Variants in ARID5B observed in about 807,000 individuals in gnomAD.
ARID5B encodes AT-rich interaction domain 5B, also known as AT-rich interactive domain-containing protein 5B.
A neutral mutation model predicts 97.2 loss-of-function variants in ARID5B; 13 were observed. The observed-to-expected ratio is 0.13, with a 90% CI of 0.09 to 0.21. The LOEUF (loss-of-function observed/expected upper bound fraction) is 0.21, where lower values mean the gene tolerates loss of function less well. ARID5B is among the 10% of genes least tolerant of loss of function. ARID5B has a pLI of 1.00. For synonymous variants in ARID5B, 556 were observed against 570.3 expected (o/e 0.97, Z 0.36); for missense variants, 1,210 against 1,465.3 (o/e 0.83, Z 2.84).
chr10:61,932,031 G>A (rs1844218898), intron 2 of ARID5B, among the ~76,000 whole-genome samples: 1 of 152,056 alleles, frequency 6.6e-6, no homozygotes, highest in African/African-American at 2.4e-5. Context: ...GAAAATATGG[G>A]TTCACACAAA....
At chr10:61,927,822 A>G (rs1184630860) in intron 2 of ARID5B, among the ~76,000 whole-genome samples, 1 of 152,230 alleles carries the variant, frequency 6.6e-6, no homozygotes. Context: ...AGGATATTAT[A>G]ATACCGCATG....
In ARID5B at chr10:62,000,733, AATAG is replaced by A. The variant is rs1389312519; in HGVS notation, c.733+416_733+419del. 6.6e-6 allele frequency among the ~76,000 whole-genome samples: 1 copy of A among 152,158 alleles called. No homozygotes were observed. The highest frequency in any genetic ancestry group is 1.5e-5 in the Non-Finnish European group (1 of 68,022). On this transcript the variant is annotated intron_variant, in intron 4 of 9. Transcript: ENST00000279873. The surrounding 1 kb of genome is among the most constrained non-coding windows in gnomAD (Gnocchi z 4.4). ...GTAACCACTTCAGTAGTAAACAGTG[AATAG>A]ATAAATAGATAGAAAGAAAACAACT...
chr10:61,922,575 C>T (rs1844036083), intron 2 of ARID5B, among the ~76,000 whole-genome samples: 1 of 152,216 alleles, frequency 6.6e-6, no homozygotes, highest in African/African-American at 2.4e-5. Context: ...TGCACTCCAG[C>T]CTGGGTGACA....
In ARID5B at chr10:62,091,750, T is replaced by G; in HGVS notation, c.2287T>G (p.Ser763Ala). ...QHVQSFRSKP[S>A]EERKTINDIF... is the part of the protein sequence containing the mutation. ...CGTCCAGAGTTTCAGAAGCAAGCCC[T>G]CGGAAGAGAGAAAGACCATCAATGA... Residue 763 changes from serine (S) to alanine (A), a missense_variant, in exon 10 of 10, where the codon TCG (serine) becomes GCG (alanine). By Grantham distance (99) the Ser-to-Ala change is moderately conservative. Coordinates refer to ENST00000279873, the MANE Select transcript of ARID5B (RefSeq NM_032199.3). The G allele has an allele frequency of 6.2e-7, 1 of 1,614,084 alleles. No homozygotes were observed. The highest frequency in any genetic ancestry group is 8.5e-7 in the Non-Finnish European group (1 of 1,180,030).
At chr10:61,958,791 A>G (rs1448802976) in intron 3 of ARID5B, among the ~76,000 whole-genome samples, 1 of 152,232 alleles carries the variant, frequency 6.6e-6, no homozygotes, top group African/African-American at 2.4e-5. Context: ...ATAAGTGCAT[A>G]GTGGTTCATT....
chr10:62,095,136 A>T lies in ARID5B; in HGVS notation c.*2106A>T. ...ATATATATTTAATAGAACCATAGAT[A>T]GACTAGTAGAATTTAGATTATAAAT... On this transcript the variant is annotated 3_prime_UTR_variant, in exon 10 of 10. Transcript: ENST00000279873. 1 of 231,542 alleles carries T rather than the reference A, an allele frequency of 4.3e-6. No homozygotes were observed. Among genetic ancestry groups the T allele is most frequent in the Admixed American group, 5.6e-5 (1 of 17,722 alleles). The allele number at this position is 231,542 out of a possible 1,614,324, so 14.3% of individuals were successfully genotyped here. A position where few individuals can be genotyped will look rare whatever the true frequency, so the allele number is the denominator to read the frequency against.
At chr10:62,071,924 G>A (rs1255740243) in intron 8 of ARID5B, among the ~76,000 whole-genome samples, 1 of 152,200 alleles carries the variant, frequency 6.6e-6, no homozygotes, top group Non-Finnish European at 1.5e-5. Flanking sequence ...ATGAGTCAGG[G>A]TGCAGTAAGG....
At chr10:61,994,108 A>T (rs1024662273) in intron 3 of ARID5B, among the ~76,000 whole-genome samples, 3 of 152,222 alleles carry the variant, frequency 2.0e-5, no homozygotes, top group African/African-American at 7.2e-5. Flanking sequence ...ATTGGCATCC[A>T]AATGCATTTG....
At chr10:61,918,966 G>A (rs951148809) in intron 2 of ARID5B, among the ~76,000 whole-genome samples, 9 of 151,656 alleles carry the variant, frequency 5.9e-5, no homozygotes, top group Non-Finnish European at 1.0e-4. Flanking sequence ...CCTGGGAGGC[G>A]GAGATTGCAG....
chr10:61,981,448 A>C (rs1351975158), intron 3 of ARID5B, among the ~76,000 whole-genome samples: 1 of 151,764 alleles, frequency 6.6e-6, no homozygotes, highest in African/African-American at 2.4e-5. Flanking sequence ...CACCCAATTA[A>C]TTTTTATATT....
chr10:61,999,819 G>A (rs1839052202), intron 3 of ARID5B, among the ~76,000 whole-genome samples: 1 of 152,128 alleles, frequency 6.6e-6, no homozygotes, highest in Admixed American at 6.6e-5. Context: ...ACTGCTTGCT[G>A]ATGACACAAA....
At chr10:61,936,074 C>T (rs138968772) in intron 2 of ARID5B, among the ~76,000 whole-genome samples, 1 of 152,150 alleles carries the variant, frequency 6.6e-6, no homozygotes, top group Non-Finnish European at 1.5e-5. Flanking sequence ...CAGAGATTCC[C>T]GAGGGTTTCT....
chr10:61,935,470 A>T (rs1197124074), intron 2 of ARID5B, among the ~76,000 whole-genome samples: 1 of 152,128 alleles, frequency 6.6e-6, no homozygotes, highest in Non-Finnish European at 1.5e-5. Flanking sequence ...AAGCAGCCTC[A>T]AAGATTTTGT....
intron 6 of ARID5B, among the ~76,000 whole-genome samples, chr10:62,058,294 C>T (rs562881325): frequency 6.6e-6 from 1 of 152,098 alleles, no homozygotes; most frequent in Non-Finnish European, 1.5e-5. Context: ...AAATCAAGGC[C>T]GAGGCAGGGC....
intron 3 of ARID5B, among the ~76,000 whole-genome samples, chr10:61,961,701 G>A (rs1253774262): frequency 6.6e-6 from 1 of 152,016 alleles, no homozygotes; most frequent in Non-Finnish European, 1.5e-5. Context: ...CCCTTGATTG[G>A]GCTTGGGGAC....
At chr10:61,983,912 G>T (rs1838812914) in intron 3 of ARID5B, among the ~76,000 whole-genome samples, 1 of 15,466 alleles carries the variant, frequency 6.5e-5, no homozygotes, top group South Asian at 1.3e-3. Flanking sequence ...ACGGAGTCTC[G>T]CTCTGTCGCC....
chr10:61,930,564 C>CA (rs1176304696), intron 2 of ARID5B, among the ~76,000 whole-genome samples: 1 of 151,590 alleles, frequency 6.6e-6, no homozygotes, highest in Non-Finnish European at 1.5e-5. Flanking sequence ...ACTAAAAATA[C>CA]AAAAAATTAG....
intron 4 of ARID5B, among the ~76,000 whole-genome samples, chr10:62,010,709 A>G (rs1839205713): frequency 6.6e-6 from 1 of 152,222 alleles, no homozygotes; most frequent in African/African-American, 2.4e-5. Flanking sequence ...AGGATGCTTA[A>G]AAGACCTTTG....
chr10:61,943,032 G>T (rs554216289), intron 3 of ARID5B, among the ~76,000 whole-genome samples: 1 of 152,280 alleles, frequency 6.6e-6, no homozygotes, highest in South Asian at 2.1e-4. Context: ...ATTCTACTCA[G>T]TTGCTATGAA....
Sources: allele counts gnomAD v4.1 joint callset (sites outside exome capture counted in the v4.1 genomes callset), GRCh38; gene constraint gnomAD v4.1.1; non-coding constraint Gnocchi (gnomAD v3.1); transcripts MANE v1.5; gene names NCBI Gene and HGNC (gene_info 2026-07-23, HGNC 2026-07-21).